Variants in FBXL17 observed in about 807,000 individuals in gnomAD.
FBXL17 encodes the protein F-box and leucine rich repeat protein 17.
In FBXL17, 22 loss-of-function variants were observed where a neutral mutation model predicts 66.2. That is an observed-to-expected ratio of 0.33 (90% CI 0.24 to 0.47). The LOEUF (loss-of-function observed/expected upper bound fraction) is 0.47, where lower values mean the gene tolerates loss of function less well. Among genes scored for constraint, FBXL17 ranks in the 20% least tolerant of loss-of-function variants. The pLI is 1.00. For missense variants in FBXL17, 878 were observed against 948.2 expected (o/e 0.93, Z 0.97); for synonymous variants, 474 against 400.5 (o/e 1.18, Z -2.19).
At chr5:108,097,858 G>A (rs1429450643) in intron 6 of FBXL17, among the ~76,000 whole-genome samples, 1 of 151,516 alleles carries the variant, frequency 6.6e-6, no homozygotes, top group East Asian at 1.9e-4. Context: ...ATAACATCAT[G>A]CTACCATAAT....
chr5:108,077,821 A>T (rs1301817982), intron 6 of FBXL17, among the ~76,000 whole-genome samples: 1 of 152,120 alleles, frequency 6.6e-6, no homozygotes, highest in Admixed American at 6.5e-5. Context: ...TTTTTCTTCC[A>T]TTTCTTCTAA....
intron 4 of FBXL17, among the ~76,000 whole-genome samples, chr5:108,340,865 G>A (rs1282767103): frequency 1.3e-5 from 2 of 152,020 alleles, no homozygotes; most frequent in African/African-American, 2.4e-5. Flanking sequence ...ACATATTCCT[G>A]GCCCTCAAAA....
At chr5:108,105,042 C>T (rs976185934) in intron 6 of FBXL17, among the ~76,000 whole-genome samples, 1 of 152,108 alleles carries the variant, frequency 6.6e-6, no homozygotes, top group Non-Finnish European at 1.5e-5. Flanking sequence ...AGGGTTTCAC[C>T]GTGTTAGCTA....
chr5:108,381,955 G>C lies in FBXL17; in HGVS notation c.-264C>G. 8.1e-7 allele frequency: 1 copy of C among 1,236,154 alleles called. No individual in the cohort carries two copies. The highest frequency in any genetic ancestry group is 1.0e-6 in the Non-Finnish European group (1 of 987,698). 76.6% of individuals were successfully genotyped at this position (1,236,154 alleles called of 1,614,324 possible). ...GCGAGCTTTGGGGACGCGAGGGAGGGAGCGAGCGAGCCTGCCGGCTAGGCG... is the reference window on the plus strand; with the variant it reads ...GCGAGCTTTGGGGACGCGAGGGAGGCAGCGAGCGAGCCTGCCGGCTAGGCG... On this transcript the variant is annotated 5_prime_UTR_variant, in exon 1 of 9. Coordinates refer to ENST00000542267, the MANE Select transcript of FBXL17 (RefSeq NM_001163315.3).
chr5:107,962,176 A>G (rs1751940016), intron 7 of FBXL17, among the ~76,000 whole-genome samples: 1 of 152,184 alleles, frequency 6.6e-6, no homozygotes, highest in Admixed American at 6.5e-5. Flanking sequence ...CAACACTGTG[A>G]ATATACTCAA....
chr5:108,358,527 G>A (rs73216334), intron 3 of FBXL17, among the ~76,000 whole-genome samples: 5 of 152,072 alleles, frequency 3.3e-5, no homozygotes, highest in African/African-American at 1.2e-4. Flanking sequence ...GTACTCCTTG[G>A]ATAAATCATA....
At chr5:108,288,249 A>T (rs1376650180) in intron 4 of FBXL17, among the ~76,000 whole-genome samples, 1 of 151,828 alleles carries the variant, frequency 6.6e-6, no homozygotes, top group African/African-American at 2.4e-5. Flanking sequence ...CCGCACATGT[A>T]CCCCGAGCCT....
chr5:107,953,279 C>A (rs1393366829), intron 7 of FBXL17, among the ~76,000 whole-genome samples: 1 of 151,644 alleles, frequency 6.6e-6, no homozygotes, highest in East Asian at 1.9e-4. Context: ...TGGCGGGCGC[C>A]TTAGTCCCAG....
chr5:108,365,095 G>A, intron 2 of FBXL17, 100 bp from the exon 3 acceptor site: 2 of 776,804 alleles, frequency 2.6e-6, no homozygotes, highest in Non-Finnish European at 4.0e-6. Flanking sequence ...ATACTAATTA[G>A]ATTATAGCAT....
chr5:108,278,907 A>T (rs1342062571), intron 4 of FBXL17, among the ~76,000 whole-genome samples: 3 of 152,166 alleles, frequency 2.0e-5, no homozygotes, highest in African/African-American at 7.2e-5. Context: ...CTTTGACAAG[A>T]CAGGGTAAGA....
At chr5:108,208,580 T>A (rs766522440) in intron 5 of FBXL17, among the ~76,000 whole-genome samples, 8 of 152,212 alleles carry the variant, frequency 5.3e-5, no homozygotes, top group Non-Finnish European at 8.8e-5. Context: ...CTTTTCCTCA[T>A]TGCTTGTTTC....
At chr5:108,228,892 G>C (rs1755209232) in intron 4 of FBXL17, among the ~76,000 whole-genome samples, 1 of 152,152 alleles carries the variant, frequency 6.6e-6, no homozygotes, top group Non-Finnish European at 1.5e-5. Context: ...TCTTAACCGA[G>C]TTGCACACAA....
chr5:108,232,073 C>T (rs1034621439), intron 4 of FBXL17, among the ~76,000 whole-genome samples: 7 of 152,174 alleles, frequency 4.6e-5, no homozygotes, highest in African/African-American at 1.4e-4. Flanking sequence ...ACGTGACCAG[C>T]GACAGAAACA....
chr5:108,239,089 A>T (rs910104996), intron 4 of FBXL17, among the ~76,000 whole-genome samples: 2 of 151,656 alleles, frequency 1.3e-5, no homozygotes, highest in African/African-American at 4.8e-5. Flanking sequence ...AGTGTCACAC[A>T]CTGTCACCCA....
At chr5:108,327,319 C>G (rs1212139451) in intron 4 of FBXL17, among the ~76,000 whole-genome samples, 1 of 152,072 alleles carries the variant, frequency 6.6e-6, no homozygotes, top group East Asian at 1.9e-4. Flanking sequence ...TTAACTCAAC[C>G]CTAAAGCCTG....
chr5:108,156,617 C>T (rs2150002100), intron 6 of FBXL17, among the ~76,000 whole-genome samples: 1 of 151,782 alleles, frequency 6.6e-6, no homozygotes, highest in East Asian at 1.9e-4. Flanking sequence ...TTTTTCCTTA[C>T]TTAAAGAAAT....
intron 1 of FBXL17, 108 bp from the exon 2 acceptor site, chr5:108,368,061 T>C: frequency 9.5e-7 from 1 of 1,056,880 alleles, no homozygotes; most frequent in Non-Finnish European, 1.3e-6. Flanking sequence ...AAAACCTTCT[T>C]GAATAAAAGA....
At chr5:108,279,709 T>C (rs182182430) in intron 4 of FBXL17, among the ~76,000 whole-genome samples, 1 of 151,384 alleles carries the variant, frequency 6.6e-6, no homozygotes, top group African/African-American at 2.4e-5. Flanking sequence ...TGAAAACAAA[T>C]ACAAAGAACA....
intron 4 of FBXL17, among the ~76,000 whole-genome samples, chr5:108,330,530 AC>A (rs978754825): frequency 1.3e-5 from 2 of 152,172 alleles, no homozygotes; most frequent in Admixed American, 1.3e-4. Context: ...AAGCAATCTC[AC>A]CAAGATATAT....
Sources: allele counts gnomAD v4.1 joint callset (sites outside exome capture counted in the v4.1 genomes callset), GRCh38; gene constraint gnomAD v4.1.1; transcripts MANE v1.5; gene names NCBI Gene and HGNC (gene_info 2026-07-23, HGNC 2026-07-21).